Variants in BRAF observed in about 807,000 individuals in gnomAD.
BRAF encodes the protein serine/threonine-protein kinase B-raf.
BRAF carries 16 observed loss-of-function variants against 104.6 expected under a neutral mutation model. The observed-to-expected ratio is 0.15, with a 90% confidence interval of 0.10 to 0.23. The LOEUF is 0.23. Ranked by LOEUF, BRAF falls within the 10% of genes least tolerant of loss-of-function variation. The probability of loss-of-function intolerance (pLI) is 1.00; values close to 1 mark genes in which losing one functional copy is unlikely to be tolerated. For missense variants in BRAF, 541 were observed against 937.3 expected (o/e 0.58, Z 5.52); for synonymous variants, 310 against 341.6 (o/e 0.91, Z 1.02).
At chr7:140,805,092 C>G (rs1040203709) in intron 5 of BRAF, among the ~76,000 whole-genome samples, 1 of 152,174 alleles carries the variant, frequency 6.6e-6, no homozygotes, top group African/African-American at 2.4e-5. Flanking sequence ...GCCACTGTGC[C>G]CAGCCAAAAG....
intron 2 of BRAF, among the ~76,000 whole-genome samples, chr7:140,844,817 G>A (rs756227903): frequency 2.6e-5 from 4 of 152,030 alleles, no homozygotes; most frequent in African/African-American, 7.2e-5. Context: ...AGCTACTCAG[G>A]AGGCTGAGGC....
At chr7:140,859,818 G>C (rs190062879) in intron 1 of BRAF, among the ~76,000 whole-genome samples, 2 of 151,642 alleles carry the variant, frequency 1.3e-5, no homozygotes. Flanking sequence ...CTCCCAAGTA[G>C]CTGGGACTAC....
At chr7:140,860,902 A>T (rs1275623494) in intron 1 of BRAF, among the ~76,000 whole-genome samples, 1 of 152,220 alleles carries the variant, frequency 6.6e-6, no homozygotes, top group African/African-American at 2.4e-5. Flanking sequence ...TAATAGCAAA[A>T]AACTAGAACC....
chr7:140,777,503 A>T (rs1438419090), intron 13 of BRAF, among the ~76,000 whole-genome samples: 1 of 152,186 alleles, frequency 6.6e-6, no homozygotes, highest in Non-Finnish European at 1.5e-5. Context: ...GCACTCTGGA[A>T]TAACTGTGCA....
rs1795322094 is a variant in BRAF, at chr7:140,721,481, CAACAA to C, written c.*5008_*5012del. On this transcript the variant is annotated 3_prime_UTR_variant, in exon 20 of 20. Coordinates refer to ENST00000644969, the MANE Select transcript of BRAF (RefSeq NM_001374258.1). ...AAAGTGAAAATAGGTTATTTGAAAA[CAACAA>C]AACAGAGCTTACTGTCTAGTGTACT... 4 of 1,275,758 alleles carry C rather than the reference CAACAA, an allele frequency of 3.1e-6. No homozygotes were observed. In the South Asian group the frequency reaches 1.2e-4, roughly 37 times the overall value. The allele number at this position is 1,275,758 out of a possible 1,614,324, so 79.0% of individuals were successfully genotyped here. A position where few individuals can be genotyped will look rare whatever the true frequency, so the allele number is the denominator to read the frequency against.
intron 1 of BRAF, among the ~76,000 whole-genome samples, chr7:140,920,317 G>GA (rs1275753751): frequency 6.6e-6 from 1 of 152,086 alleles, no homozygotes; most frequent in African/African-American, 2.4e-5. Flanking sequence ...ATAATTGGGA[G>GA]AAAAAGGGAA....
At chr7:140,830,771 G>A (rs1021678606) in intron 3 of BRAF, among the ~76,000 whole-genome samples, 1 of 152,204 alleles carries the variant, frequency 6.6e-6, no homozygotes, top group Non-Finnish European at 1.5e-5. Context: ...AACATTTGGA[G>A]GTAGTGGAAG....
chr7:140,754,579 CCCT>C (rs1245646966), intron 14 of BRAF, among the ~76,000 whole-genome samples: 1 of 152,056 alleles, frequency 6.6e-6, no homozygotes, highest in East Asian at 1.9e-4. Context: ...TTCAATGCTC[CCCT>C]CCTACACCCA....
chr7:140,903,834 G>A (rs1815969100), intron 1 of BRAF, among the ~76,000 whole-genome samples: 1 of 152,204 alleles, frequency 6.6e-6, no homozygotes, highest in African/African-American at 2.4e-5. Flanking sequence ...CTTCAATGGA[G>A]GAAGGAACTG....
chr7:140,921,346 A>G (rs1198214287), intron 1 of BRAF, among the ~76,000 whole-genome samples: 1 of 152,188 alleles, frequency 6.6e-6, no homozygotes, highest in East Asian at 1.9e-4. Flanking sequence ...TAAATATTTA[A>G]TAAGCACTAA....
At chr7:140,760,726 G>A (rs1798631797) in intron 14 of BRAF, among the ~76,000 whole-genome samples, 1 of 152,152 alleles carries the variant, frequency 6.6e-6, no homozygotes, top group Admixed American at 6.5e-5. Flanking sequence ...CAAGGCTCGA[G>A]AACTATGTGA....
downstream of BRAF, among the ~76,000 whole-genome samples, chr7:140,714,443 C>T (rs1795095353): frequency 6.6e-6 from 1 of 152,188 alleles, no homozygotes; most frequent in Non-Finnish European, 1.5e-5. Flanking sequence ...TCCTAGCTCA[C>T]TGCAGCCTCA....
intron 14 of BRAF, among the ~76,000 whole-genome samples, chr7:140,773,013 G>C (rs1418721334): frequency 6.6e-6 from 1 of 152,104 alleles, no homozygotes; most frequent in African/African-American, 2.4e-5. Flanking sequence ...TGTTGCTGCT[G>C]TTACATGAAT....
Position 140,912,606 on chromosome 7 carries a change from C to A in BRAF, c.138+11960G>T, listed in dbSNP as rs191718579. On this transcript the variant is annotated intron_variant, in intron 1 of 19. Coordinates refer to ENST00000644969, the MANE Select transcript of BRAF (RefSeq NM_001374258.1). ...CCCACTTTCCTCACTAGCTCTGGCC[C>A]CATTTCTCTGTTCCCCTTTACAGGA... 2.3e-3 allele frequency among the ~76,000 whole-genome samples: 356 copies of A among 152,294 alleles called. 2 individuals carry two copies. Among genetic ancestry groups the A allele is most frequent in the Non-Finnish European group, 3.0e-3 (206 of 68,028 alleles).
chr7:140,768,714 C>G (rs1799563988), intron 14 of BRAF, among the ~76,000 whole-genome samples: 1 of 152,120 alleles, frequency 6.6e-6, no homozygotes, highest in African/African-American at 2.4e-5. Context: ...CCAGGCTGGT[C>G]TCAAACTCCT....
intron 2 of BRAF, among the ~76,000 whole-genome samples, chr7:140,841,534 T>C (rs1807968964): frequency 6.6e-6 from 1 of 152,226 alleles, no homozygotes; most frequent in South Asian, 2.1e-4. Context: ...ATGATATATG[T>C]GTATGATGAA....
At chr7:140,785,178 G>C (rs528867181) in intron 10 of BRAF, among the ~76,000 whole-genome samples, 1 of 151,608 alleles carries the variant, frequency 6.6e-6, no homozygotes, top group Non-Finnish European at 1.5e-5. Context: ...TTGGGGGAAA[G>C]AAAAACCCAA....
At chr7:140,910,581 G>GCC (rs1816854564) in intron 1 of BRAF, among the ~76,000 whole-genome samples, 1 of 152,148 alleles carries the variant, frequency 6.6e-6, no homozygotes, top group Admixed American at 6.5e-5. Flanking sequence ...CCAGAGGCTG[G>GCC]CCACTTGAGT....
chr7:140,758,784 A>G (rs558008525), intron 14 of BRAF, among the ~76,000 whole-genome samples: 1 of 152,348 alleles, frequency 6.6e-6, no homozygotes, highest in South Asian at 2.1e-4. Flanking sequence ...TTACTGAGGT[A>G]CAGTTTACAC....
Sources: allele counts gnomAD v4.1 joint callset (sites outside exome capture counted in the v4.1 genomes callset), GRCh38; gene constraint gnomAD v4.1.1; transcripts MANE v1.5; gene names NCBI Gene and HGNC (gene_info 2026-07-23, HGNC 2026-07-21).